Variants in PCDHA5 observed in about 807,000 individuals in gnomAD.
PCDHA5 encodes the protein protocadherin alpha 5, also known as protocadherin alpha-5.
In PCDHA5, 43 loss-of-function variants were observed where a neutral mutation model predicts 61.6. That is an observed-to-expected ratio of 0.70 (90% CI 0.55 to 0.90). PCDHA5 has a LOEUF of 0.90. Among genes scored for constraint, PCDHA5 ranks in the 40% least tolerant of loss-of-function variants. The pLI is 0.00. For missense variants in PCDHA5, 1,298 were observed against 1,222.7 expected, an observed-to-expected ratio of 1.06 and a Z score of -0.92; for synonymous variants, 627 against 543.9, an observed-to-expected ratio of 1.15 and a Z score of -2.13.
rs2150357213 is a variant in PCDHA5 at position 140,843,314 on chromosome 5, G to T, written c.2352+19187G>T. 3.8e-6 allele frequency: 6 copies of T among 1,596,084 alleles called. 2 individuals carry two copies. Among genetic ancestry groups the T allele is most frequent in the Non-Finnish European group, 5.1e-6 (6 of 1,165,598 alleles). ...ACCTGCGCTGACCGCCACGGCCACG[G>T]TTCTGGTGTCGCTGGTGGAGAGCGG... is the stretch of plus-strand genomic sequence containing the variant. On this transcript the variant is annotated intron_variant, in intron 1 of 3. Transcript: ENST00000529859.
chr5:140,906,646 G>GT (rs35557065), intron 1 of PCDHA5, among the ~76,000 whole-genome samples: 1 of 152,192 alleles, frequency 6.6e-6, no homozygotes, highest in Non-Finnish European at 1.5e-5. Context: ...GCAGGTAGTG[G>GT]TTTTTTCCTG....
At chr5:140,929,013 G>A in intron 1 of PCDHA5, 1 of 1,614,120 alleles carries the variant, frequency 6.2e-7, no homozygotes, top group South Asian at 1.1e-5. Context: ...GTACCAAGTT[G>A]CACCAGAGCC....
At chr5:140,920,841 TAAA>T (rs781921146) in intron 1 of PCDHA5, among the ~76,000 whole-genome samples, 2 of 109,226 alleles carry the variant, frequency 1.8e-5, no homozygotes, top group Non-Finnish European at 3.9e-5. Context: ...AGACCAAATC[TAAA>T]AAAAAAAAAA....
intron 1 of PCDHA5, chr5:140,969,353 C>T (rs781980010): frequency 3.7e-6 from 6 of 1,612,562 alleles, no homozygotes; most frequent in Non-Finnish European, 4.2e-6. Context: ...GTCAGGGGGT[C>T]TTCTACAAAC....
intron 3 of PCDHA5, among the ~76,000 whole-genome samples, chr5:141,000,383 CTCTCTCTCTCTCTATA>C (rs1346959358): frequency 3.2e-5 from 2 of 63,198 alleles, no homozygotes; most frequent in African/African-American, 1.4e-4. Context: ...CTCTCTCTCT[CTCTCTCTCTCTCTATA>C]TATATATATA....
At chr5:140,830,133 G>T (rs1770838333) in intron 1 of PCDHA5, 1 of 1,613,342 alleles carries the variant, frequency 6.2e-7, no homozygotes, top group African/African-American at 1.3e-5. Flanking sequence ...GCGTCATCAC[G>T]GGCGTCGGTG....
At chr5:140,852,249 T>C (rs2042280411) in intron 1 of PCDHA5, 1 of 535,278 alleles carries the variant, frequency 1.9e-6, no homozygotes, top group Non-Finnish European at 2.5e-6. Flanking sequence ...AAACACACTT[T>C]TGGAATATGC....
chr5:140,858,781 T>C, intron 1 of PCDHA5: 1 of 406,616 alleles, frequency 2.5e-6, no homozygotes, highest in Non-Finnish European at 4.5e-6. Flanking sequence ...TAGTACTTCA[T>C]GTTATTTCAT....
chr5:140,843,891 A>G (rs1554140482), intron 1 of PCDHA5: 1 of 685,390 alleles, frequency 1.5e-6, no homozygotes, highest in Non-Finnish European at 2.4e-6. Context: ...TACAGTATTA[A>G]TCATTCTCCA....
At chr5:140,903,515 G>T (rs542642607) in intron 1 of PCDHA5, among the ~76,000 whole-genome samples, 1 of 152,244 alleles carries the variant, frequency 6.6e-6, no homozygotes, top group Non-Finnish European at 1.5e-5. Context: ...TAGTTCTATT[G>T]TGTTGTTCAC....
In PCDHA5 at chr5:140,895,957, C is replaced by G. The variant is rs186458993; in HGVS notation, c.2352+71830C>G. Among the ~76,000 whole-genome samples, 2 of 152,196 alleles carry G rather than the reference C, an allele frequency of 1.3e-5. 1 individual carries two copies. Among genetic ancestry groups the G allele is most frequent in the Admixed American group, 1.3e-4 (2 of 15,284 alleles). On this transcript the variant is annotated intron_variant, in intron 1 of 3. Transcript: ENST00000529859. Reference sequence around the variant, plus strand: ...TCCCGAGTAGCTGGGATTACAGGTGCCTGTCACCAGGCCTAGCTAATTTTT... The same window carrying G: ...TCCCGAGTAGCTGGGATTACAGGTGGCTGTCACCAGGCCTAGCTAATTTTT...
At chr5:140,863,270 T>C (rs1554158046) in intron 1 of PCDHA5, 1 of 1,459,904 alleles carries the variant, frequency 6.8e-7, no homozygotes, top group Admixed American at 1.8e-5. Flanking sequence ...GAGGCAGCGC[T>C]GGTGGATGTC....
chr5:140,929,409 T>C, intron 1 of PCDHA5: 11 of 1,506,206 alleles, frequency 7.3e-6, no homozygotes, highest in Non-Finnish European at 9.8e-6. Context: ...GACAAGCCTT[T>C]CACAACATTT....
At chr5:140,829,192 T>G in intron 1 of PCDHA5, 1 of 1,614,230 alleles carries the variant, frequency 6.2e-7, no homozygotes, top group Non-Finnish European at 8.5e-7. Flanking sequence ...AATTTGGTAC[T>G]GTCATCGCCC....
At chr5:140,877,347 G>A (rs2057054618) in intron 1 of PCDHA5, 3 of 1,614,010 alleles carry the variant, frequency 1.9e-6, no homozygotes, top group Admixed American at 1.7e-5. Flanking sequence ...TCCACGTGGG[G>A]CTGTACACTG....
intron 1 of PCDHA5, among the ~76,000 whole-genome samples, chr5:140,887,705 T>G (rs1016402630): frequency 6.6e-6 from 1 of 152,172 alleles, no homozygotes; most frequent in Non-Finnish European, 1.5e-5. Context: ...TCAACCATAC[T>G]TCTTCTAATA....
chr5:140,936,113 G>T (rs1316824905), intron 1 of PCDHA5, among the ~76,000 whole-genome samples: 1 of 151,964 alleles, frequency 6.6e-6, no homozygotes, highest in African/African-American at 2.4e-5. Flanking sequence ...GGCTGGTCTC[G>T]AACTCCTGAC....
intron 1 of PCDHA5, chr5:140,861,593 A>G: frequency 2.7e-6 from 1 of 371,316 alleles, no homozygotes; most frequent in South Asian, 2.5e-5. Context: ...TGGAGGTGAA[A>G]GTGAAGAACA....
intron 1 of PCDHA5, among the ~76,000 whole-genome samples, chr5:140,905,859 A>T (rs2072155643): frequency 1.3e-5 from 2 of 152,192 alleles, no homozygotes; most frequent in Non-Finnish European, 2.9e-5. Context: ...GTATTAACTC[A>T]CACAATCACA....
Sources: allele counts gnomAD v4.1 joint callset (sites outside exome capture counted in the v4.1 genomes callset), GRCh38; gene constraint gnomAD v4.1.1; transcripts MANE v1.5; gene names NCBI Gene and HGNC (gene_info 2026-07-23, HGNC 2026-07-21).